The following UBE2E2 variants were observed in gnomAD, a reference collection of about 807,000 sequenced individuals.
UBE2E2 encodes ubiquitin-conjugating enzyme E2 E2.
A neutral mutation model predicts 24.7 loss-of-function variants in UBE2E2; 6 were observed. The observed-to-expected ratio is 0.24, with a 90% CI of 0.13 to 0.48. The LOEUF is 0.48. Among genes scored for constraint, UBE2E2 ranks in the 20% least tolerant of loss-of-function variants. UBE2E2 has a pLI of 0.99. For synonymous variants in UBE2E2, 104 were observed against 83.6 expected, an observed-to-expected ratio of 1.24 and a Z score of -1.33; for missense variants, 169 against 245.0, an observed-to-expected ratio of 0.69 and a Z score of 2.07.
chr3:23,571,376 G>A (rs1252949561), intron 5 of UBE2E2, among the ~76,000 whole-genome samples: 5 of 140,606 alleles, frequency 3.6e-5, no homozygotes, highest in East Asian at 2.3e-4. Flanking sequence ...TGCAACCTCC[G>A]TTTCCCAGGC....
intron 3 of UBE2E2, among the ~76,000 whole-genome samples, chr3:23,225,504 C>T (rs1222732392): frequency 6.6e-6 from 1 of 152,058 alleles, no homozygotes; most frequent in Non-Finnish European, 1.5e-5. Context: ...CAATTTCATT[C>T]CTTTTGGCTT....
Position 23,360,283 on chromosome 3 carries a change from C to T in UBE2E2, c.228-139325C>T, listed in dbSNP as rs114887089. Among the ~76,000 whole-genome samples the T allele has an allele frequency of 9.5e-4, 144 of 152,128 alleles. 2 individuals carry two copies. Among genetic ancestry groups the T allele is most frequent in the African/African-American group, 3.3e-3 (137 of 41,526 alleles). ...GTGAGTGCTGTAACTTAGAAAAATT[C>T]GTTTTAAAAAAGTCAGTGTTAAAAA... On this transcript the variant is annotated intron_variant, in intron 3 of 5. Transcript: ENST00000396703.
At chr3:23,240,037 C>T (rs1697216598) in intron 3 of UBE2E2, among the ~76,000 whole-genome samples, 1 of 152,100 alleles carries the variant, frequency 6.6e-6, no homozygotes, top group Non-Finnish European at 1.5e-5. Context: ...TTTTATGGAT[C>T]ATAAAGGAGC....
At chr3:23,398,443 A>G (rs1162650535) in intron 3 of UBE2E2, among the ~76,000 whole-genome samples, 5 of 152,132 alleles carry the variant, frequency 3.3e-5, no homozygotes, top group African/African-American at 1.2e-4. Flanking sequence ...AGCTTTGGGA[A>G]TGGCTGGCTT....
chr3:23,363,376 A>G (rs1028395244), intron 3 of UBE2E2, among the ~76,000 whole-genome samples: 1 of 152,226 alleles, frequency 6.6e-6, no homozygotes, highest in Non-Finnish European at 1.5e-5. Flanking sequence ...AAGAAGCAAG[A>G]TCGAACTGTA....
chr3:23,259,004 GA>G (rs1190010761), intron 3 of UBE2E2, among the ~76,000 whole-genome samples: 1 of 149,832 alleles, frequency 6.7e-6, no homozygotes. Flanking sequence ...GACTTTTTCT[GA>G]AACACAGAAA....
intron 3 of UBE2E2, among the ~76,000 whole-genome samples, chr3:23,279,952 G>T (rs1014288814): frequency 7.2e-5 from 11 of 152,162 alleles, no homozygotes; most frequent in African/African-American, 2.7e-4. Flanking sequence ...TCATCTAGGG[G>T]TACATTGTTG....
chr3:23,426,305 A>G (rs1198175915), intron 3 of UBE2E2, among the ~76,000 whole-genome samples: 1 of 152,152 alleles, frequency 6.6e-6, no homozygotes. Flanking sequence ...GAAGTAAAAA[A>G]GGAAAGGAAC....
At chr3:23,337,027 T>C (rs965760192) in intron 3 of UBE2E2, among the ~76,000 whole-genome samples, 2 of 151,746 alleles carry the variant, frequency 1.3e-5, no homozygotes, top group Admixed American at 6.6e-5. Context: ...TTGTCCCAGC[T>C]ACTTGGGAGT....
intron 3 of UBE2E2, among the ~76,000 whole-genome samples, chr3:23,270,699 A>T (rs1698217091): frequency 6.6e-6 from 1 of 152,208 alleles, no homozygotes; most frequent in African/African-American, 2.4e-5. Flanking sequence ...TGAATGGGTT[A>T]TTACTGGCAT....
At chr3:23,424,397 T>C (rs1296262975) in intron 3 of UBE2E2, among the ~76,000 whole-genome samples, 1 of 151,954 alleles carries the variant, frequency 6.6e-6, no homozygotes, top group Non-Finnish European at 1.5e-5. Context: ...GCAGGTAGCC[T>C]TTCTGGGAGG....
intron 4 of UBE2E2, among the ~76,000 whole-genome samples, chr3:23,517,422 C>T (rs1694767298): frequency 6.6e-6 from 1 of 152,150 alleles, no homozygotes; most frequent in African/African-American, 2.4e-5. Flanking sequence ...CCATCTCAGA[C>T]TCCCAAAAAG....
intron 3 of UBE2E2, among the ~76,000 whole-genome samples, chr3:23,411,126 A>G (rs545482199): frequency 1.3e-5 from 2 of 152,298 alleles, no homozygotes; most frequent in South Asian, 4.1e-4. Context: ...AGGGCAAGAC[A>G]ATGTCTGTTC....
At chr3:23,350,880 A>G (rs1695726866) in intron 3 of UBE2E2, among the ~76,000 whole-genome samples, 1 of 152,202 alleles carries the variant, frequency 6.6e-6, no homozygotes, top group African/African-American at 2.4e-5. Context: ...CAGGAAATAC[A>G]GAGAACGCCT....
chr3:23,545,739 A>G (rs969648639), intron 5 of UBE2E2, among the ~76,000 whole-genome samples: 12 of 152,200 alleles, frequency 7.9e-5, no homozygotes, highest in African/African-American at 2.7e-4. Flanking sequence ...GCAATTGACA[A>G]TCGCAAAGAT....
chr3:23,456,737 T>C (rs1422696030), intron 3 of UBE2E2, among the ~76,000 whole-genome samples: 1 of 152,198 alleles, frequency 6.6e-6, no homozygotes, highest in African/African-American at 2.4e-5. Context: ...GTAAAGTTGA[T>C]TTAGCATAAT....
Position 23,484,072 on chromosome 3 carries a change from C to T in UBE2E2, c.228-15536C>T, listed in dbSNP as rs76541757. ...AGAGTACTTTTGCAATTCTTTATTA[C>T]GTCATTTAAGGCCCTACACTATCTA... On this transcript the variant is annotated intron_variant, in intron 3 of 5. Coordinates refer to ENST00000396703, the MANE Select transcript of UBE2E2 (RefSeq NM_152653.4). 6.2e-4 allele frequency among the ~76,000 whole-genome samples: 95 copies of T among 152,208 alleles called. 3 individuals are homozygous for T. The East Asian group carries it at 0.015, about 24-fold the overall frequency.
At chr3:23,398,728 T>C (rs1697140867) in intron 3 of UBE2E2, among the ~76,000 whole-genome samples, 1 of 152,194 alleles carries the variant, frequency 6.6e-6, no homozygotes, top group African/African-American at 2.4e-5. Context: ...TGCCTGGAAA[T>C]TTCAAGAAAT....
rs149045460 is a variant in UBE2E2, at chr3:23,283,607, G to A, written c.227+66295G>A. On this transcript the variant is annotated intron_variant, in intron 3 of 5. Coordinates refer to ENST00000396703, the MANE Select transcript of UBE2E2 (RefSeq NM_152653.4). ...CTGGGCATGGTGGCACACACTTATA[G>A]TCTCAGCAGATGTGTGCCACCACAC... Among the ~76,000 whole-genome samples the A allele has an allele frequency of 2.4e-4, 36 of 152,184 alleles. No individual in the cohort carries two copies. The East Asian group carries it at 6.0e-3, about 25-fold the overall frequency.
Sources: allele counts gnomAD v4.1 joint callset (sites outside exome capture counted in the v4.1 genomes callset), GRCh38; gene constraint gnomAD v4.1.1; transcripts MANE v1.5; gene names NCBI Gene and HGNC (gene_info 2026-07-23, HGNC 2026-07-21).